Variants in PGPEP1 observed in about 807,000 individuals in gnomAD.
The protein encoded by PGPEP1 is pyroglutamyl-peptidase 1.
PGPEP1 carries 15 observed loss-of-function variants against 24.1 expected under a neutral mutation model. The ratio of observed to expected loss-of-function variants is 0.62; its 90% confidence interval spans 0.42 to 0.96. The LOEUF (loss-of-function observed/expected upper bound fraction) is 0.96. PGPEP1 is among the 40% of genes least tolerant of loss of function. The probability of loss-of-function intolerance (pLI) is 0.00; values close to 1 mark genes in which losing one functional copy is unlikely to be tolerated. For missense variants in PGPEP1, 242 were observed against 273.4 expected, an observed-to-expected ratio of 0.89 and a Z score of 0.81; for synonymous variants, 122 against 116.4, an observed-to-expected ratio of 1.05 and a Z score of -0.31.
At chr19:18,352,967 G>A (rs898246209) in intron 2 of PGPEP1, among the ~76,000 whole-genome samples, 11 of 151,212 alleles carry the variant, frequency 7.3e-5, no homozygotes, top group Non-Finnish European at 1.6e-4. Context: ...ACCCAGGCTG[G>A]AGTGCAGTGG....
chr19:18,357,949 A>G (rs994354856), intron 4 of PGPEP1: 12 of 349,292 alleles, frequency 3.4e-5, no homozygotes, highest in Non-Finnish European at 5.4e-5. Flanking sequence ...TGGAGCTGCT[A>G]TAACAAATAC....
At chr19:18,357,345 G>A (rs756104864) in intron 3 of PGPEP1, 38 bp from the exon 4 acceptor site, 1 of 1,536,384 alleles carries the variant, frequency 6.5e-7, no homozygotes, top group South Asian at 1.1e-5. Context: ...GAGTCCCACG[G>A]GCAGGCCATG....
intron 2 of PGPEP1, among the ~76,000 whole-genome samples, chr19:18,346,633 C>CTTTT (rs775309565): frequency 0.011 from 864 of 79,516 alleles, 8 homozygotes; most frequent in Non-Finnish European, 0.013. Flanking sequence ...CTGTTTCTCT[C>CTTTT]TTTTTTTTTT....
chr19:18,348,677 C>T (rs902237901), intron 2 of PGPEP1, among the ~76,000 whole-genome samples: 5 of 152,176 alleles, frequency 3.3e-5, no homozygotes, highest in Non-Finnish European at 5.9e-5. Flanking sequence ...GGCTCCCTGC[C>T]GTTACCCTAT....
intron 2 of PGPEP1, among the ~76,000 whole-genome samples, chr19:18,350,421 C>T (rs574727116): frequency 3.3e-5 from 5 of 152,216 alleles, no homozygotes; most frequent in South Asian, 2.1e-4. Context: ...TCCTCTGGGA[C>T]GTATTGAATA....
intron 2 of PGPEP1, among the ~76,000 whole-genome samples, chr19:18,348,587 A>T (rs1970929781): frequency 2.0e-5 from 3 of 152,056 alleles, no homozygotes; most frequent in Admixed American, 6.6e-5. Context: ...TTTGGAACAG[A>T]GCGTGTTCAG....
At chr19:18,350,508 A>G (rs1471578355) in intron 2 of PGPEP1, among the ~76,000 whole-genome samples, 1 of 152,234 alleles carries the variant, frequency 6.6e-6, no homozygotes, top group Non-Finnish European at 1.5e-5. Context: ...GCAGTGCAGC[A>G]ATGCCCCTAC....
intron 2 of PGPEP1, among the ~76,000 whole-genome samples, chr19:18,347,270 C>CTTTTTTTTT (rs59936417): frequency 0.021 from 1,997 of 94,314 alleles, 8 homozygotes; most frequent in Middle Eastern, 0.044. Context: ...TTCTTTCTTT[C>CTTTTTTTTT]TTTTTTTTTT....
chr19:18,358,954 A>G (rs1430885802), intron 4 of PGPEP1, among the ~76,000 whole-genome samples: 1 of 152,052 alleles, frequency 6.6e-6, no homozygotes, highest in African/African-American at 2.4e-5. Flanking sequence ...GTGAACACGA[A>G]TGTTGAGGGA....
At chr19:18,346,994 CT>C (rs1487407037) in intron 2 of PGPEP1, among the ~76,000 whole-genome samples, 1 of 151,922 alleles carries the variant, frequency 6.6e-6, no homozygotes, top group African/African-American at 2.4e-5. Context: ...CTGCCTCTCT[CT>C]CTCTGGGTTT....
At chr19:18,350,781 T>C (rs1248728966) in intron 2 of PGPEP1, among the ~76,000 whole-genome samples, 1 of 152,114 alleles carries the variant, frequency 6.6e-6, no homozygotes, top group Non-Finnish European at 1.5e-5. Context: ...AATCAATGGC[T>C]GGGCACAGTG....
intron 2 of PGPEP1, among the ~76,000 whole-genome samples, chr19:18,345,006 C>CT (rs1360737426): frequency 1.3e-5 from 2 of 151,830 alleles, no homozygotes; most frequent in South Asian, 4.2e-4. Context: ...TTTTTGCTTT[C>CT]TTTTTTTTCT....
intron 4 of PGPEP1, among the ~76,000 whole-genome samples, chr19:18,359,652 C>T (rs752189021): frequency 7.9e-5 from 12 of 151,870 alleles, no homozygotes; most frequent in Admixed American, 1.3e-4. Flanking sequence ...GGATTACAGG[C>T]GTGCGCCATC....
In PGPEP1 at chr19:18,363,610, A is replaced by G. The variant is rs780640269; in HGVS notation, c.*27A>G. 7.6e-6 allele frequency: 12 copies of G among 1,581,550 alleles called. 1 individual carries two copies. In the South Asian group the frequency reaches 1.2e-4, roughly 16 times the overall value. ...GGACGCTCAGGTCTCCTAAGACCTC[A>G]TCCTGCTGGGGACCCCACGAGGGGA... On this transcript the variant is annotated 3_prime_UTR_variant, in exon 5 of 5. Coordinates refer to ENST00000269919, the MANE Select transcript of PGPEP1 (RefSeq NM_017712.4).
At position 18,369,658 on chromosome 19, in the gene PGPEP1, GC is replaced by G. The variant is rs950892738; in HGVS notation, c.*6076del. On this transcript the variant is annotated 3_prime_UTR_variant, in exon 5 of 5. Coordinates refer to ENST00000269919, the MANE Select transcript of PGPEP1 (RefSeq NM_017712.4). The stretch of plus-strand genomic sequence containing the variant: ...GGGGAGCACCGGCTTGGTTCTGGGG[GC>G]TCCTCTAACATCTCAGGTTTTTATC... The G allele has an allele frequency of 6.6e-6, 1 of 152,170 alleles. No individual in the cohort carries two copies. The highest frequency in any genetic ancestry group is 1.5e-5 in the Non-Finnish European group (1 of 68,018). The allele number at this position is 152,170 out of a possible 1,614,324, so 9.4% of individuals were successfully genotyped here.
chr19:18,360,361 G>T (rs1404040756), intron 4 of PGPEP1, among the ~76,000 whole-genome samples: 1 of 151,900 alleles, frequency 6.6e-6, no homozygotes, highest in African/African-American at 2.4e-5. Context: ...TTGTTATTTA[G>T]TTGTTTATTT....
rs768501137 is a variant in PGPEP1 at position 18,363,439 on chromosome 19, T to C, written c.486T>C (p.Gly162=). ...ACACCTCTTTGTACCAGAGTCACGGTCGATCAGCCTTCGTCCACGTGCCCC... is the reference window on the plus strand; with the variant it reads ...ACACCTCTTTGTACCAGAGTCACGGCCGATCAGCCTTCGTCCACGTGCCCC... The part of the protein sequence containing the change: ...TYYTSLYQSH[G]RSAFVHVPPL... Residue 162 remains glycine, a synonymous_variant, in exon 5 of 5, where the codon GGT becomes GGC. Coordinates refer to ENST00000269919, the MANE Select transcript of PGPEP1 (RefSeq NM_017712.4). 5.6e-6 allele frequency: 9 copies of C among 1,613,782 alleles called. No homozygotes were observed. In the East Asian group the frequency reaches 2.0e-4, roughly 36 times the overall value.
chr19:18,355,799 G>A, intron 2 of PGPEP1, 96 bp from the exon 3 acceptor site: 1 of 767,558 alleles, frequency 1.3e-6, no homozygotes, highest in South Asian at 1.4e-5. Context: ...TGCAGAATGA[G>A]TCTGGAGAAC....
In PGPEP1 at chr19:18,363,769, G is replaced by A; in HGVS notation, c.*186G>A. On this transcript the variant is annotated 3_prime_UTR_variant, in exon 5 of 5. Coordinates refer to ENST00000269919, the MANE Select transcript of PGPEP1 (RefSeq NM_017712.4). ...AAGCTCCGGTTGATTCGAGGGAAGT[G>A]GTGAAAATTTTTTTTTCTCCCATTT... 2.0e-6 allele frequency: 1 copy of A among 505,664 alleles called. No homozygotes were observed. The allele number at this position is 505,664 out of a possible 1,614,324, so 31.3% of individuals were successfully genotyped here. A position where few individuals can be genotyped will look rare whatever the true frequency, so the allele number is the denominator to read the frequency against.
Sources: gnomAD v4.1 joint callset for allele counts (sites outside exome capture counted in the v4.1 genomes callset) on GRCh38, gnomAD v4.1.1 for gene constraint, MANE v1.5 for transcripts, NCBI Gene and HGNC (gene_info 2026-07-23, HGNC 2026-07-21) for gene names.